Variants in AGAP1 observed in about 807,000 individuals in gnomAD.
AGAP1 encodes ArfGAP with GTPase domain, ankyrin repeat and PH domain 1, also known as arf-GAP with GTPase, ANK repeat and PH domain-containing protein 1.
A neutral mutation model predicts 105.3 loss-of-function variants in AGAP1; 29 were observed. The observed-to-expected ratio is 0.28, with a 90% CI of 0.21 to 0.38. The LOEUF (loss-of-function observed/expected upper bound fraction) is 0.38. Ranked by LOEUF, AGAP1 falls within the 10% of genes least tolerant of loss-of-function variation. The pLI, the probability that AGAP1 is intolerant of heterozygous loss-of-function variation, is 1.00. For missense variants in AGAP1, 998 were observed against 1,165.1 expected (o/e 0.86, Z 2.09); for synonymous variants, 509 against 485.9 (o/e 1.05, Z -0.63).
chr2:236,029,282 C>CT (rs566152439), intron 13 of AGAP1, among the ~76,000 whole-genome samples: 22,143 of 143,888 alleles, frequency 0.15, 2,134 homozygotes, highest in African/African-American at 0.28. Context: ...ATCCTTTTTT[C>CT]TTTTTTTTTT....
At chr2:235,688,966 G>A (rs1427365955) in intron 1 of AGAP1, among the ~76,000 whole-genome samples, 1 of 152,216 alleles carries the variant, frequency 6.6e-6, no homozygotes, top group Non-Finnish European at 1.5e-5. Context: ...GCCAAGCTGG[G>A]TACTGTTGGA....
chr2:235,779,488 A>G (rs1956124528), intron 6 of AGAP1, among the ~76,000 whole-genome samples: 2 of 152,202 alleles, frequency 1.3e-5, no homozygotes, highest in South Asian at 2.1e-4. Flanking sequence ...ATATTTGGCT[A>G]TGTGAGAATT....
chr2:235,721,163 G>A lies in AGAP1; in HGVS notation c.310+3519G>A, dbSNP rs10194308. Among the ~76,000 whole-genome samples, 1,930 of 151,784 alleles carry A rather than the reference G, an allele frequency of 0.013. 50 individuals are homozygous for A. Among genetic ancestry groups the A allele is most frequent in the African/African-American group, 0.044 (1,807 of 41,350 alleles). On this transcript the variant is annotated intron_variant, in intron 3 of 17. Transcript: ENST00000304032. This position sits in a 1 kb window ranked among gnomAD's most constrained non-coding sequence, Gnocchi z 4.5. ...GCTGGGATTACAGGCACCCCCCACC[G>A]CGCCCGGATAATTTTTGTATTTTTG...
chr2:236,070,790 CA>C (rs1319860827), intron 16 of AGAP1, among the ~76,000 whole-genome samples: 2 of 151,966 alleles, frequency 1.3e-5, no homozygotes, highest in Non-Finnish European at 2.9e-5. Context: ...GGGGAGGCAT[CA>C]GGGGGATGGG....
chr2:235,571,043 G>A (rs1269698791), intron 1 of AGAP1, among the ~76,000 whole-genome samples: 1 of 152,242 alleles, frequency 6.6e-6, no homozygotes, highest in East Asian at 1.9e-4. Context: ...AGGCAAAGGG[G>A]AAGCCCACGT....
chr2:235,869,868 C>G (rs1286912401), intron 9 of AGAP1, among the ~76,000 whole-genome samples: 1 of 152,210 alleles, frequency 6.6e-6, no homozygotes, highest in Non-Finnish European at 1.5e-5. Context: ...CTCCTCTTTA[C>G]TTGGTCTCCC....
At chr2:235,504,585 C>G (rs1403788499) in intron 1 of AGAP1, among the ~76,000 whole-genome samples, 1 of 151,964 alleles carries the variant, frequency 6.6e-6, no homozygotes, top group Non-Finnish European at 1.5e-5. Flanking sequence ...TGTGCAGATT[C>G]TCACTTGCCT....
chr2:235,512,618 A>G (rs905871010), intron 1 of AGAP1, among the ~76,000 whole-genome samples: 1 of 151,756 alleles, frequency 6.6e-6, no homozygotes, highest in Admixed American at 6.6e-5. Flanking sequence ...TCAATCAATC[A>G]GTCAATCCAT....
At chr2:235,508,141 C>T (rs117730490) in intron 1 of AGAP1, among the ~76,000 whole-genome samples, 2,526 of 152,298 alleles carry the variant, frequency 0.017, 71 homozygotes, top group Admixed American at 0.073. Context: ...CTGCATAGTA[C>T]TCCACAGTGT....
intron 9 of AGAP1, among the ~76,000 whole-genome samples, chr2:235,856,164 G>A (rs1029659625): frequency 6.6e-5 from 10 of 151,984 alleles, no homozygotes; most frequent in African/African-American, 1.9e-4. Context: ...CACTCGCCTC[G>A]GCCTCCCAAA....
At chr2:235,854,286 AT>A (rs2048594458) in intron 9 of AGAP1, among the ~76,000 whole-genome samples, 1 of 152,220 alleles carries the variant, frequency 6.6e-6, no homozygotes, top group African/African-American at 2.4e-5. Flanking sequence ...AGAATATTGC[AT>A]GGAGTAGACC....
At chr2:235,632,722 G>C (rs1559302186) in intron 1 of AGAP1, among the ~76,000 whole-genome samples, 1 of 152,168 alleles carries the variant, frequency 6.6e-6, no homozygotes. Flanking sequence ...AGGTGGCCGT[G>C]TTTCCCATGC....
chr2:236,008,799 T>C (rs1299912361), intron 13 of AGAP1, among the ~76,000 whole-genome samples: 1 of 152,244 alleles, frequency 6.6e-6, no homozygotes, highest in Non-Finnish European at 1.5e-5. Context: ...TCATATTTGC[T>C]GTAAAGAAAG....
At chr2:235,542,200 G>T (rs1214829937) in intron 1 of AGAP1, among the ~76,000 whole-genome samples, 1 of 149,970 alleles carries the variant, frequency 6.7e-6, no homozygotes, top group Non-Finnish European at 1.5e-5. Flanking sequence ...GCAAAGTGCA[G>T]TTCAGACAGT....
chr2:235,955,063 C>T (rs1056292492), intron 12 of AGAP1, among the ~76,000 whole-genome samples: 2 of 152,046 alleles, frequency 1.3e-5, no homozygotes, highest in Non-Finnish European at 2.9e-5. Context: ...AGGGTGAGGC[C>T]GGTTGAGGGT....
Position 235,862,558 on chromosome 2 carries a change from G to A in AGAP1, c.1051-20787G>A, listed in dbSNP as rs1475501702. On this transcript the variant is annotated intron_variant, in intron 9 of 17. Transcript: ENST00000304032. ...CAGATGCCATCTGCCATCACCATGG[G>A]GTAGGGCAGTGCAAACTGCAAACTG... 7.2e-5 allele frequency among the ~76,000 whole-genome samples: 11 copies of A among 152,212 alleles called. 1 individual carries two copies. The highest frequency in any genetic ancestry group is 7.2e-4 in the Admixed American group (11 of 15,284).
chr2:236,059,291 C>T lies in AGAP1; in HGVS notation c.2114+10010C>T, dbSNP rs148067222. On this transcript the variant is annotated intron_variant, in intron 16 of 17. Transcript: ENST00000304032. ...TATACTTAGAAATAAATTACCTGTA[C>T]ACTGAAAACTACAAAGCATCATCGA... Among the ~76,000 whole-genome samples, 4 of 152,090 alleles carry T rather than the reference C, an allele frequency of 2.6e-5. No individual in the cohort carries two copies. The East Asian group carries it at 7.7e-4, about 29-fold the overall frequency.
chr2:235,554,623 T>C (rs12474967), intron 1 of AGAP1, among the ~76,000 whole-genome samples: 9,875 of 152,308 alleles, frequency 0.065, 452 homozygotes, highest in South Asian at 0.18. Context: ...TGATGCCACT[T>C]GGAGCTGTTT....
In AGAP1 at chr2:235,936,312, G is replaced by A. The variant is rs1359331107; in HGVS notation, c.1483+5389G>A. Among the ~76,000 whole-genome samples, 16 of 152,150 alleles carry A rather than the reference G, an allele frequency of 1.1e-4. 1 individual carries two copies. The South Asian group carries it at 1.5e-3, about 14-fold the overall frequency. ...GAGTGTATCACATGTGTGTGTGTAC[G>A]GGTGTATGCTCTGGTCCCTGTTTCC... On this transcript the variant is annotated intron_variant, in intron 12 of 17. Coordinates refer to ENST00000304032, the MANE Select transcript of AGAP1 (RefSeq NM_001037131.3). The surrounding 1 kb of genome is among the most constrained non-coding windows in gnomAD (Gnocchi z 4.7).
Sources: allele counts gnomAD v4.1 joint callset (sites outside exome capture counted in the v4.1 genomes callset), GRCh38; gene constraint gnomAD v4.1.1; non-coding constraint Gnocchi (gnomAD v3.1); transcripts MANE v1.5; gene names NCBI Gene and HGNC (gene_info 2026-07-23, HGNC 2026-07-21).